GRK3: variants seen among roughly 807,000 people sequenced by gnomAD.
GRK3 encodes the protein adrenergic, beta, receptor kinase 2.
In GRK3, 54 loss-of-function variants were observed where a neutral mutation model predicts 95.7. The ratio of observed to expected loss-of-function variants is 0.56; its 90% CI spans 0.45 to 0.71. The LOEUF is 0.71. GRK3 is among the 30% of genes least tolerant of loss of function. The pLI, the probability that GRK3 is intolerant of heterozygous loss-of-function variation, is 0.00. For missense variants in GRK3, 649 were observed against 851.2 expected (o/e 0.76, Z 2.96); for synonymous variants, 281 against 290.8 (o/e 0.97, Z 0.34).
chr22:25,670,986 G>A (rs923683475), intron 6 of GRK3, among the ~76,000 whole-genome samples: 10 of 151,464 alleles, frequency 6.6e-5, no homozygotes, highest in East Asian at 5.8e-4. Flanking sequence ...CCCGGGAGGC[G>A]GAGTTTGCAG....
intron 1 of GRK3, among the ~76,000 whole-genome samples, chr22:25,574,777 A>G (rs1185579881): frequency 6.6e-6 from 1 of 152,138 alleles, no homozygotes; most frequent in African/African-American, 2.4e-5. Context: ...CTTTTTTTAT[A>G]TTATGACACA....
chr22:25,572,181 A>G (rs1450986573), intron 1 of GRK3, among the ~76,000 whole-genome samples: 1 of 152,188 alleles, frequency 6.6e-6, no homozygotes, highest in African/African-American at 2.4e-5. Context: ...TACAAAGGAC[A>G]TAAACTCATC....
chr22:25,651,151 A>C (rs6004730), intron 3 of GRK3, among the ~76,000 whole-genome samples: 30,262 of 152,100 alleles, frequency 0.2, 6,340 homozygotes, highest in African/African-American at 0.53. Flanking sequence ...AAGAGTAACT[A>C]AAAAATTTCA....
At chr22:25,706,356 C>T (rs1601541015) in intron 15 of GRK3, among the ~76,000 whole-genome samples, 1 of 152,138 alleles carries the variant, frequency 6.6e-6, no homozygotes, top group East Asian at 1.9e-4. Flanking sequence ...TGTCTCATCC[C>T]CCAGCCACAC....
intron 2 of GRK3, among the ~76,000 whole-genome samples, chr22:25,632,982 C>T (rs905592580): frequency 1.3e-5 from 2 of 152,126 alleles, no homozygotes; most frequent in Non-Finnish European, 1.5e-5. Context: ...GTGATCTTGG[C>T]TCACTGCAAC....
At chr22:25,681,119 T>G (rs1431426263) in intron 9 of GRK3, among the ~76,000 whole-genome samples, 2 of 152,180 alleles carry the variant, frequency 1.3e-5, no homozygotes, top group African/African-American at 4.8e-5. Context: ...CAGTCAGCAA[T>G]TCATCCAGTC....
intron 3 of GRK3, among the ~76,000 whole-genome samples, chr22:25,647,098 GC>G (rs1270981656): frequency 2.0e-5 from 3 of 148,474 alleles, no homozygotes; most frequent in African/African-American, 7.5e-5. Context: ...ATAATTGCCA[GC>G]CTAGAATTCT....
intron 2 of GRK3, among the ~76,000 whole-genome samples, chr22:25,613,624 G>A (rs2084515111): frequency 6.7e-6 from 1 of 149,988 alleles, no homozygotes; most frequent in Non-Finnish European, 1.5e-5. Context: ...TAATAAAAAT[G>A]CTGCCCAGAG....
intron 3 of GRK3, among the ~76,000 whole-genome samples, chr22:25,651,924 A>G (rs1273134120): frequency 6.6e-6 from 1 of 152,230 alleles, no homozygotes. Context: ...GTTAGCAAAA[A>G]CAGCCTTCTA....
intron 15 of GRK3, among the ~76,000 whole-genome samples, chr22:25,707,333 T>G (rs1450391594): frequency 6.6e-6 from 1 of 152,190 alleles, no homozygotes; most frequent in Non-Finnish European, 1.5e-5. Context: ...TGGAACCCAA[T>G]AAGAAAATCA....
intron 2 of GRK3, among the ~76,000 whole-genome samples, chr22:25,639,690 G>A (rs1221589647): frequency 6.6e-6 from 1 of 152,066 alleles, no homozygotes; most frequent in Non-Finnish European, 1.5e-5. Context: ...CAGCTTGTCA[G>A]TTTCTTTAAA....
intron 3 of GRK3, among the ~76,000 whole-genome samples, chr22:25,651,694 G>T (rs1569180297): frequency 6.6e-6 from 1 of 152,220 alleles, no homozygotes; most frequent in Admixed American, 6.5e-5. Context: ...AGGAAAAGTT[G>T]ATGGTATTCA....
chr22:25,653,440 G>A (rs1354569249), intron 3 of GRK3, among the ~76,000 whole-genome samples: 1 of 152,150 alleles, frequency 6.6e-6, no homozygotes, highest in Non-Finnish European at 1.5e-5. Flanking sequence ...AATGATAACA[G>A]GGCCAATCCA....
chr22:25,678,412 C>A (rs978766716), intron 8 of GRK3, among the ~76,000 whole-genome samples: 1 of 152,138 alleles, frequency 6.6e-6, no homozygotes, highest in Admixed American at 6.5e-5. Flanking sequence ...CTGGATCGTG[C>A]CACTGCACTC....
Position 25,711,132 on chromosome 22 carries a change from C to T in GRK3, c.1460C>T (p.Ser487Leu), listed in dbSNP as rs778848265. The T allele has an allele frequency of 1.9e-6, 3 of 1,613,216 alleles. No individual in the cohort carries two copies. Among genetic ancestry groups the T allele is most frequent in the Admixed American group, 1.7e-5 (1 of 59,860 alleles). Residue 487 changes from serine (S) to leucine (L), a missense_variant, in exon 17 of 21, where the codon TCA becomes TTA. By Grantham distance (145) the Ser-to-Leu change is moderately radical (BLOSUM62 -2). Around this residue, in one of 3 missense-constraint regions of GRK3, gnomAD observed 382 missense variants for 493.8 expected, o/e 0.77. Coordinates refer to ENST00000324198, the MANE Select transcript of GRK3 (RefSeq NM_005160.4). ...VNAADAFDIG[S>L]FDEEDTKGIK... is the part of the protein sequence containing the mutation. ...GCTGCTGATGCCTTTGATATTGGCT[C>T]ATTTGATGAAGAGGATACCAAAGGG...
chr22:25,724,670 T>A lies in GRK3; in HGVS notation c.*2220T>A, dbSNP rs1182967423. 2.0e-5 allele frequency: 3 copies of A among 152,144 alleles called. No homozygotes were observed. The highest frequency in any genetic ancestry group is 2.4e-5 in the African/African-American group (1 of 41,424). The allele number at this position is 152,144 out of a possible 1,614,324, so 9.4% of individuals were successfully genotyped here. On this transcript the variant is annotated 3_prime_UTR_variant, in exon 21 of 21. Transcript: ENST00000324198. ...ATTAAAAGTGCTTTGTAAGACTAGA[T>A]TGAGCTGTTTCTGAGGGCGGTCACC...
chr22:25,680,569 C>G (rs1388864041), intron 9 of GRK3, among the ~76,000 whole-genome samples: 2 of 152,110 alleles, frequency 1.3e-5, no homozygotes, highest in African/African-American at 4.8e-5. Flanking sequence ...TGATTTGACT[C>G]AGGTGAGAGG....
At chr22:25,583,419 G>A (rs1932177702) in intron 1 of GRK3, among the ~76,000 whole-genome samples, 1 of 151,026 alleles carries the variant, frequency 6.6e-6, no homozygotes, top group Non-Finnish European at 1.5e-5. Context: ...GTTATTTGGG[G>A]CAGGCTAACA....
At chr22:25,658,999 G>T (rs2084892333) in intron 3 of GRK3, among the ~76,000 whole-genome samples, 1 of 152,100 alleles carries the variant, frequency 6.6e-6, no homozygotes, top group Admixed American at 6.6e-5. Context: ...AGAATCTGGA[G>T]CTCAGGAGTC....
Sources: allele counts gnomAD v4.1 joint callset (sites outside exome capture counted in the v4.1 genomes callset), GRCh38; gene constraint gnomAD v4.1.1; regional missense constraint gnomAD v4.1.1; transcripts MANE v1.5; gene names NCBI Gene and HGNC (gene_info 2026-07-23, HGNC 2026-07-21).